Variants in TCFL5 observed in about 807,000 individuals in gnomAD.
TCFL5 encodes the protein transcription factor-like 5 protein.
In TCFL5, 9 loss-of-function variants were observed where a neutral mutation model predicts 44.3. That is an observed-to-expected ratio of 0.20 (90% CI 0.12 to 0.35). The LOEUF is 0.35. Ranked by LOEUF, TCFL5 falls within the 10% of genes least tolerant of loss-of-function variation. The probability of loss-of-function intolerance (pLI) is 1.00; values close to 1 mark genes in which losing one functional copy is unlikely to be tolerated. For synonymous variants in TCFL5, 319 were observed against 271.6 expected, an observed-to-expected ratio of 1.17 and a Z score of -1.72; for missense variants, 603 against 613.4, an observed-to-expected ratio of 0.98 and a Z score of 0.18.
chr20:62,854,195 G>A (rs754504374), intron 4 of TCFL5, 38 bp from the exon 5 acceptor site: 29 of 1,606,626 alleles, frequency 1.8e-5, no homozygotes, highest in South Asian at 1.3e-4. Flanking sequence ...GAGAGAGACC[G>A]GAGCAAAACA....
At position 62,841,769 on chromosome 20, in the gene TCFL5, T is replaced by C; in HGVS notation, c.*206A>G. ...TTAAGATGGCTTCATCCCCAAATGG[T>C]CTAAGAGGACATTCATGGATAAGCA... On this transcript the variant is annotated 3_prime_UTR_variant, in exon 6 of 6. Coordinates refer to ENST00000335351, the MANE Select transcript of TCFL5 (RefSeq NM_006602.4). 2.1e-6 allele frequency: 1 copy of C among 473,536 alleles called. No homozygotes were observed. The highest frequency in any genetic ancestry group is 3.6e-6 in the Non-Finnish European group (1 of 277,594). The allele number at this position is 473,536 out of a possible 1,614,324, so 29.3% of individuals were successfully genotyped here. A position where few individuals can be genotyped will look rare whatever the true frequency, so the allele number is the denominator to read the frequency against.
chr20:62,846,836 G>C (rs889819508), intron 5 of TCFL5, among the ~76,000 whole-genome samples: 9 of 151,226 alleles, frequency 6.0e-5, no homozygotes, highest in Admixed American at 5.9e-4. Context: ...TTCTTAGTAA[G>C]AAAAAAGAAA....
At chr20:62,859,648 T>A in intron 2 of TCFL5, 122 bp from the exon 3 acceptor site, 1 of 864,058 alleles carries the variant, frequency 1.2e-6, no homozygotes, top group South Asian at 1.7e-5. Flanking sequence ...AGAACTTTAG[T>A]TGCACTGAAG....
At chr20:62,858,822 T>C (rs1397594295) in intron 3 of TCFL5, among the ~76,000 whole-genome samples, 2 of 147,426 alleles carry the variant, frequency 1.4e-5, no homozygotes, top group African/African-American at 2.5e-5. Flanking sequence ...TACGCAGGTG[T>C]TTCCCAGGGA....
rs2063674856 is a variant in TCFL5, at chr20:62,841,054, CTA to C, written c.*919_*920del. ...TGTTTACATAGCATTTGTGTAAAGA[CTA>C]TGATCTCATCCCAATAAAATGATAT... On this transcript the variant is annotated 3_prime_UTR_variant, in exon 6 of 6. Coordinates refer to ENST00000335351, the MANE Select transcript of TCFL5 (RefSeq NM_006602.4). The C allele has an allele frequency of 6.2e-6, 2 of 321,078 alleles. No homozygotes were observed. Among genetic ancestry groups the C allele is most frequent in the Non-Finnish European group, 1.2e-5 (2 of 168,762 alleles). The allele number at this position is 321,078 out of a possible 1,614,324, so 19.9% of individuals were successfully genotyped here. A position where few individuals can be genotyped will look rare whatever the true frequency, so the allele number is the denominator to read the frequency against.
At chr20:62,851,613 A>C in intron 5 of TCFL5, 1 of 985,188 alleles carries the variant, frequency 1.0e-6, no homozygotes, top group Non-Finnish European at 1.2e-6. Context: ...CATTCAACAT[A>C]GCATCGCTAT....
rs754374698 is a variant in TCFL5, at chr20:62,845,985, T to C, written c.1381-3888A>G. 2.8e-6 allele frequency: 4 copies of C among 1,415,960 alleles called. No homozygotes were observed. In the South Asian group the frequency reaches 3.7e-5, roughly 13 times the overall value. 87.7% of individuals were successfully genotyped at this position (1,415,960 alleles called of 1,614,324 possible). ...ATAGAAACTTCAAATGCAAAGCTCC[T>C]GGCTTCGTGGAGACACAGCCATTTG... On this transcript the variant is annotated intron_variant, in intron 5 of 5. Transcript: ENST00000335351.
chr20:62,856,836 G>C (rs1289691703), intron 4 of TCFL5, among the ~76,000 whole-genome samples: 1 of 152,104 alleles, frequency 6.6e-6, no homozygotes, highest in African/African-American at 2.4e-5. Context: ...CCTTAGTGGA[G>C]TCTGCAAACC....
chr20:62,846,742 G>A (rs868615800), intron 5 of TCFL5, among the ~76,000 whole-genome samples: 3 of 145,740 alleles, frequency 2.1e-5, no homozygotes, highest in South Asian at 2.2e-4. Flanking sequence ...CAGCCTGGGT[G>A]ACAGAATGAG....
chr20:62,859,271 CATCT>C (rs1411337565), intron 3 of TCFL5, 89 bp downstream of exon 3: 4 of 1,285,462 alleles, frequency 3.1e-6, no homozygotes, highest in Non-Finnish European at 4.3e-6. Context: ...GTGTACAAAC[CATCT>C]GTCTCCCCTG....
At chr20:62,848,000 A>C (rs1323386911) in intron 5 of TCFL5, among the ~76,000 whole-genome samples, 1 of 152,252 alleles carries the variant, frequency 6.6e-6, no homozygotes, top group Non-Finnish European at 1.5e-5. Flanking sequence ...AGAGCAGAGA[A>C]ATGGGCGGTT....
At chr20:62,849,439 T>G (rs1358446688) in intron 5 of TCFL5, among the ~76,000 whole-genome samples, 3 of 152,170 alleles carry the variant, frequency 2.0e-5, no homozygotes, top group Admixed American at 1.3e-4. Flanking sequence ...CTTCAAAGCC[T>G]CAATGCCATA....
intron 2 of TCFL5, among the ~76,000 whole-genome samples, chr20:62,859,897 C>T (rs1259914824): frequency 1.3e-5 from 2 of 151,880 alleles, no homozygotes; most frequent in African/African-American, 4.8e-5. Flanking sequence ...AATTTTCGTA[C>T]GGGGTTTCAC....
chr20:62,857,252 T>A, intron 4 of TCFL5, 143 bp downstream of exon 4: 1 of 1,193,156 alleles, frequency 8.4e-7, no homozygotes, highest in Non-Finnish European at 1.2e-6. Flanking sequence ...GGATCCTTGA[T>A]CCATCTGGGA....
chr20:62,854,979 T>C (rs2063866002), intron 4 of TCFL5, among the ~76,000 whole-genome samples: 1 of 152,208 alleles, frequency 6.6e-6, no homozygotes. Flanking sequence ...GCAGTAGAGC[T>C]AGAAGTCCAA....
chr20:62,858,979 G>C (rs1200433404), intron 3 of TCFL5, among the ~76,000 whole-genome samples: 3 of 152,166 alleles, frequency 2.0e-5, no homozygotes, highest in African/African-American at 7.2e-5. Context: ...CCTATTAGCA[G>C]CCACCTATCC....
Position 62,861,726 on chromosome 20 carries a change from A to C in TCFL5, c.-56T>G, listed in dbSNP as rs868208225. On this transcript the variant is annotated 5_prime_UTR_variant, in exon 1 of 6. Coordinates refer to ENST00000335351, the MANE Select transcript of TCFL5 (RefSeq NM_006602.4). The surrounding 1 kb of genome is among the most constrained non-coding windows in gnomAD (Gnocchi z 4.0). ...GGCGACGCGGGCGGCGGGCGGCGGG[A>C]GGCGGGAGGCGGGAGGCGGGAGGCG... 1.0e-3 allele frequency: 127 copies of C among 124,710 alleles called. 1 individual carries two copies. The highest frequency in any genetic ancestry group is 1.4e-3 in the South Asian group (6 of 4,404). The allele number at this position is 124,710 out of a possible 1,614,324, so 7.7% of individuals were successfully genotyped here.
chr20:62,847,067 C>T lies in TCFL5; in HGVS notation c.1381-4970G>A, dbSNP rs573586654. On this transcript the variant is annotated intron_variant, in intron 5 of 5. Transcript: ENST00000335351. Reference sequence around the variant, plus strand: ...GGGTGGTGGCACATGCCTGTAATCCCAGCTACTCAGGAGGCTGAGGCAGGA... The same window carrying T: ...GGGTGGTGGCACATGCCTGTAATCCTAGCTACTCAGGAGGCTGAGGCAGGA... 2.9e-4 allele frequency among the ~76,000 whole-genome samples: 44 copies of T among 150,976 alleles called. No homozygotes were observed. The East Asian group carries it at 6.1e-3, about 21-fold the overall frequency.
chr20:62,851,427 T>C (rs1439349330), intron 5 of TCFL5: 1 of 726,664 alleles, frequency 1.4e-6, no homozygotes. Context: ...AATGCCTTCG[T>C]CTTGAGTAAA....
Sources: allele counts gnomAD v4.1 joint callset (sites outside exome capture counted in the v4.1 genomes callset), GRCh38; gene constraint gnomAD v4.1.1; non-coding constraint Gnocchi (gnomAD v3.1); transcripts MANE v1.5; gene names NCBI Gene and HGNC (gene_info 2026-07-23, HGNC 2026-07-21).